INTS6: variants seen among roughly 807,000 people sequenced by gnomAD.
The protein encoded by INTS6 is DEAD box protein.
In INTS6, 16 loss-of-function variants were observed where a neutral mutation model predicts 104.9. The ratio of observed to expected loss-of-function variants is 0.15; its 90% CI spans 0.10 to 0.23. The LOEUF is 0.23. Ranked by LOEUF, INTS6 falls within the 10% of genes least tolerant of loss-of-function variation. INTS6 has a pLI of 1.00. For missense variants in INTS6, 584 were observed against 1,062.8 expected (o/e 0.55, Z 6.26); for synonymous variants, 324 against 358.7 (o/e 0.90, Z 1.09).
At chr13:51,428,634 T>G (rs1326967765) in intron 4 of INTS6, among the ~76,000 whole-genome samples, 1 of 152,110 alleles carries the variant, frequency 6.6e-6, no homozygotes, top group Non-Finnish European at 1.5e-5. Context: ...AAAATGAATT[T>G]TTATTGCTTG....
intron 3 of INTS6, chr13:51,447,487 G>A (rs759779760): frequency 6.6e-6 from 1 of 152,006 alleles, no homozygotes; most frequent in African/African-American, 2.4e-5. Flanking sequence ...TTTCAATGAG[G>A]TAAACATTCA....
chr13:51,377,365 G>T (rs1955955005), intron 12 of INTS6, among the ~76,000 whole-genome samples: 2 of 151,988 alleles, frequency 1.3e-5, no homozygotes, highest in African/African-American at 4.8e-5. Flanking sequence ...TTATTTTAAT[G>T]AAATTCAATT....
downstream of INTS6, among the ~76,000 whole-genome samples, chr13:51,353,875 CTTTT>C (rs1419230353): frequency 6.6e-6 from 1 of 152,000 alleles, no homozygotes; most frequent in Non-Finnish European, 1.5e-5. Flanking sequence ...CCATTTTGAT[CTTTT>C]TTATTTTCAA....
At chr13:51,383,982 C>T (rs17252193) in intron 7 of INTS6, 4,005 of 288,792 alleles carry the variant, frequency 0.014, 73 homozygotes, top group East Asian at 0.067. Context: ...TTAGGTCTTA[C>T]GCAAAATTTA....
intron 15 of INTS6, among the ~76,000 whole-genome samples, chr13:51,373,565 C>G (rs1955857207): frequency 6.6e-6 from 1 of 152,204 alleles, no homozygotes; most frequent in African/African-American, 2.4e-5. Context: ...AACACCCTTG[C>G]TATACTGGAA....
intron 4 of INTS6, among the ~76,000 whole-genome samples, chr13:51,410,922 GCACATGGAGCTGGGCACCATGACT>G (rs1003360099): frequency 1.3e-5 from 2 of 151,958 alleles, no homozygotes; most frequent in African/African-American, 4.8e-5. Flanking sequence ...TAGAAAATAA[GCACATGGAGCTGGGCACCATGACT>G]CACACCTGTT....
intron 3 of INTS6, among the ~76,000 whole-genome samples, chr13:51,431,583 G>A (rs563070853): frequency 1.6e-4 from 25 of 151,822 alleles, no homozygotes; most frequent in Non-Finnish European, 3.1e-4. Context: ...TAATATATAC[G>A]CAATATTTAT....
intron 4 of INTS6, chr13:51,402,950 T>C (rs913778848): frequency 6.6e-6 from 1 of 152,210 alleles, no homozygotes; most frequent in Non-Finnish European, 1.5e-5. Context: ...TAGTTATTCA[T>C]GGAGCACCTA....
intron 4 of INTS6, among the ~76,000 whole-genome samples, chr13:51,396,571 T>C (rs1336732423): frequency 6.6e-6 from 1 of 152,088 alleles, no homozygotes; most frequent in Non-Finnish European, 1.5e-5. Context: ...TCTCATGACA[T>C]GATGCAATAC....
intron 3 of INTS6, chr13:51,436,852 A>G (rs1952699587): frequency 6.6e-6 from 1 of 152,232 alleles, no homozygotes; most frequent in African/African-American, 2.4e-5. Flanking sequence ...CCTAAAAAGT[A>G]GTGCCAGGCA....
At chr13:51,370,303 C>A (rs1955778497) in intron 15 of INTS6, among the ~76,000 whole-genome samples, 1 of 152,144 alleles carries the variant, frequency 6.6e-6, no homozygotes, top group African/African-American at 2.4e-5. Flanking sequence ...GTCACTGATT[C>A]CTTCACTTCC....
chr13:51,408,305 A>G (rs1475625833), intron 4 of INTS6, among the ~76,000 whole-genome samples: 1 of 151,728 alleles, frequency 6.6e-6, no homozygotes, highest in Non-Finnish European at 1.5e-5. Flanking sequence ...CACCATGCCC[A>G]GCTAACTTTT....
intron 3 of INTS6, chr13:51,449,941 A>C (rs983762784): frequency 1.0e-6 from 1 of 985,164 alleles, no homozygotes; most frequent in African/African-American, 1.7e-5. Flanking sequence ...ATGTTATAGA[A>C]CTAAATTCAG....
chr13:51,360,366 C>A (rs1593650623), downstream of INTS6, among the ~76,000 whole-genome samples: 1 of 152,106 alleles, frequency 6.6e-6, no homozygotes, highest in East Asian at 1.9e-4. Flanking sequence ...AGAATATTCT[C>A]AACTCTGCTT....
chr13:51,362,296 T>G lies in INTS6; in HGVS notation c.*3456A>C. ...TCACTAGAGTACACCAGAGTAGTCC[T>G]CTTGTGATCCTAGTATTCTAATGAA... On this transcript the variant is annotated 3_prime_UTR_variant, in exon 18 of 18. Coordinates refer to ENST00000311234, the MANE Select transcript of INTS6 (RefSeq NM_012141.3). The G allele has an allele frequency of 3.8e-6, 1 of 261,744 alleles. No individual in the cohort carries two copies. Among genetic ancestry groups the G allele is most frequent in the South Asian group, 6.7e-5 (1 of 14,818 alleles). 16.2% of individuals were successfully genotyped at this position (261,744 alleles called of 1,614,324 possible).
chr13:51,345,422 G>A, the INTS6 span, among the ~76,000 whole-genome samples: 3,002 of 151,952 alleles, frequency 0.02, 103 homozygotes, highest in African/African-American at 0.069. Context: ...GTGAAACCCC[G>A]TCTCTACTAA....
the INTS6 span, among the ~76,000 whole-genome samples, chr13:51,337,308 G>A: frequency 6.6e-6 from 1 of 152,170 alleles, no homozygotes; most frequent in Non-Finnish European, 1.5e-5. Flanking sequence ...ACATTAGTTT[G>A]GTAGACCTTT....
downstream of INTS6, among the ~76,000 whole-genome samples, chr13:51,359,511 A>C (rs1444087202): frequency 1.3e-5 from 2 of 152,128 alleles, no homozygotes; most frequent in African/African-American, 4.8e-5. Context: ...AAACTGTTTA[A>C]ATGAAACTCT....
At chr13:51,393,336 C>T (rs551451184) in intron 5 of INTS6, among the ~76,000 whole-genome samples, 5 of 152,228 alleles carry the variant, frequency 3.3e-5, no homozygotes, top group East Asian at 1.9e-4. Flanking sequence ...CCTTGGCCTT[C>T]GAAAGTGCTG....
Sources: gnomAD v4.1 joint callset for allele counts (sites outside exome capture counted in the v4.1 genomes callset) on GRCh38, gnomAD v4.1.1 for gene constraint, MANE v1.5 for transcripts, NCBI Gene and HGNC (gene_info 2026-07-23, HGNC 2026-07-21) for gene names.